Variants in LAMC3 observed in about 807,000 individuals in gnomAD.
LAMC3 encodes laminin subunit gamma 3.
In LAMC3, 128 loss-of-function variants were observed where a neutral mutation model predicts 173.8. The observed-to-expected ratio is 0.74, with a 90% CI of 0.64 to 0.85. LAMC3 has a LOEUF of 0.85. LAMC3 is among the 40% of genes least tolerant of loss of function. The probability of loss-of-function intolerance (pLI) is 0.00; values close to 1 mark genes in which losing one functional copy is unlikely to be tolerated. For synonymous variants in LAMC3, 897 were observed against 909.1 expected, an observed-to-expected ratio of 0.99 and a Z score of 0.24; for missense variants, 2,022 against 2,156.0, an observed-to-expected ratio of 0.94 and a Z score of 1.23.
At position 131,067,523 on chromosome 9, in the gene LAMC3, A is replaced by G. The variant is rs1014300331; in HGVS notation, c.2593+318A>G. On this transcript the variant is annotated intron_variant, in intron 14 of 27. Coordinates refer to ENST00000361069, the MANE Select transcript of LAMC3 (RefSeq NM_006059.4). ...GGTGATCGCCCTGCGCCGGGTCTCCATGGCCATGCCTCCCCTCATCACCTC... is the reference window on the plus strand; with the variant it reads ...GGTGATCGCCCTGCGCCGGGTCTCCGTGGCCATGCCTCCCCTCATCACCTC... 9.2e-5 allele frequency among the ~76,000 whole-genome samples: 14 copies of G among 152,272 alleles called. No individual in the cohort carries two copies. In the East Asian group the frequency reaches 1.7e-3, roughly 19 times the overall value.
chr9:131,076,695 T>C (rs2133334617), intron 21 of LAMC3, among the ~76,000 whole-genome samples: 2 of 152,216 alleles, frequency 1.3e-5, no homozygotes, highest in Middle Eastern at 6.8e-3. Context: ...TCCTAGCTGA[T>C]TGGTTATAGA....
intron 22 of LAMC3, among the ~76,000 whole-genome samples, chr9:131,078,073 A>G (rs949883962): frequency 2.0e-4 from 30 of 152,162 alleles, no homozygotes; most frequent in East Asian, 9.6e-4. Context: ...TTCGGGAGCA[A>G]TGCACGAGGT....
chr9:131,069,308 A>G (rs573557856), intron 16 of LAMC3, among the ~76,000 whole-genome samples: 1 of 152,228 alleles, frequency 6.6e-6, no homozygotes, highest in East Asian at 1.9e-4. Context: ...GCAGCCTGCC[A>G]GTGTCCTCAT....
Position 131,072,712 on chromosome 9 carries a change from C to A in LAMC3, c.3294C>A (p.Asn1098Lys), listed in dbSNP as rs750320083. 2 of 1,612,298 alleles carry A rather than the reference C, an allele frequency of 1.2e-6. No individual in the cohort carries two copies. Among genetic ancestry groups the A allele is most frequent in the Admixed American group, 3.3e-5 (2 of 59,886 alleles). Residue 1098 changes from asparagine (N) to lysine (K), a missense_variant, in exon 19 of 28, where the codon AAC becomes AAA. Asn to Lys is a moderately conservative substitution (Grantham distance 94). Coordinates refer to ENST00000361069, the MANE Select transcript of LAMC3 (RefSeq NM_006059.4). ...CCCGGGAGCAGCTGCAGAGGCTGAA[C>A]AAGGGTGCCCGCTGTGCCCAGGCCG... ...KAAREQLQRL[N>K]KGARCAQAGS...
intron 24 of LAMC3, among the ~76,000 whole-genome samples, chr9:131,083,862 GTGC>G (rs1830282963): frequency 5.6e-5 from 7 of 124,282 alleles, no homozygotes; most frequent in Admixed American, 8.5e-5. Context: ...ACTGTAATAA[GTGC>G]TTTTTTTTTT....
chr9:131,076,643 G>T (rs1415220700), intron 21 of LAMC3, among the ~76,000 whole-genome samples: 1 of 152,148 alleles, frequency 6.6e-6, no homozygotes, highest in Non-Finnish European at 1.5e-5. Flanking sequence ...AGGAAGAATG[G>T]GTGGGACAGG....
At chr9:131,020,953 G>T (rs980253250) in intron 1 of LAMC3, among the ~76,000 whole-genome samples, 5 of 152,050 alleles carry the variant, frequency 3.3e-5, no homozygotes, top group Non-Finnish European at 7.4e-5. Flanking sequence ...TAGGTTTTTT[G>T]ATGTTTTTTT....
At chr9:131,022,152 A>G (rs1326003823) in intron 1 of LAMC3, among the ~76,000 whole-genome samples, 1 of 152,058 alleles carries the variant, frequency 6.6e-6, no homozygotes, top group Non-Finnish European at 1.5e-5. Flanking sequence ...CAACACACCC[A>G]AAATTCTAAT....
intron 8 of LAMC3, among the ~76,000 whole-genome samples, 164 bp downstream of exon 8, chr9:131,045,824 G>A (rs1834144562): frequency 6.6e-6 from 1 of 152,158 alleles, no homozygotes; most frequent in African/African-American, 2.4e-5. Context: ...GCTCCCCAGT[G>A]CCCACCTGCG....
intron 13 of LAMC3, among the ~76,000 whole-genome samples, chr9:131,062,441 G>A (rs1333810635): frequency 3.9e-5 from 6 of 152,118 alleles, no homozygotes; most frequent in Non-Finnish European, 7.4e-5. Flanking sequence ...TATATATAAC[G>A]TAAAATTTGC....
intron 19 of LAMC3, 152 bp downstream of exon 19, chr9:131,072,987 C>A: frequency 1.3e-6 from 1 of 797,454 alleles, no homozygotes; most frequent in Non-Finnish European, 2.2e-6. Flanking sequence ...GTGCCTCCTC[C>A]TGGATTCAGC....
rs373499365 is a variant in LAMC3 at position 131,041,617 on chromosome 9, T to C, written c.1284-20T>C. On this transcript the variant is annotated intron_variant, in intron 6 of 27. Transcript: ENST00000361069. ...AATTTGCTCATTGCACATTTTCCTC[T>C]TGTCCTGTCTCATTGGCAGACCCTG... 8.1e-6 allele frequency: 13 copies of C among 1,611,038 alleles called. No homozygotes were observed. In the African/African-American group the frequency reaches 1.7e-4, roughly 22 times the overall value.
intron 13 of LAMC3, among the ~76,000 whole-genome samples, chr9:131,062,061 T>A (rs1285405958): frequency 6.7e-6 from 1 of 149,188 alleles, no homozygotes; most frequent in Non-Finnish European, 1.5e-5. Flanking sequence ...CAAAAAAAAT[T>A]TTTTTTTAAA....
chr9:131,071,665 G>A, intron 18 of LAMC3, 40 bp downstream of exon 18: 1 of 1,512,876 alleles, frequency 6.6e-7, no homozygotes, highest in South Asian at 1.3e-5. Flanking sequence ...GGAGGCAAGG[G>A]GAGGCCCCCA....
At chr9:131,059,322 C>T (rs1295094686) in intron 12 of LAMC3, among the ~76,000 whole-genome samples, 1 of 151,450 alleles carries the variant, frequency 6.6e-6, no homozygotes, top group Non-Finnish European at 1.5e-5. Flanking sequence ...GAAACCCCAT[C>T]TCTACTAAAA....
Position 131,081,845 on chromosome 9 carries a change from G to A in LAMC3, c.3928-214G>A, listed in dbSNP as rs146758882. 1.8e-3 allele frequency among the ~76,000 whole-genome samples: 273 copies of A among 152,296 alleles called. 1 individual carries two copies. The highest frequency in any genetic ancestry group is 6.1e-3 in the African/African-American group (253 of 41,566). ...AATTCTAGTGTTTTAGTTTTCCTCC[G>A]GGCTTTTGTGGACAGGTATCTCTTG... On this transcript the variant is annotated intron_variant, in intron 23 of 27. Coordinates refer to ENST00000361069, the MANE Select transcript of LAMC3 (RefSeq NM_006059.4).
In LAMC3 at chr9:131,049,036, G is replaced by A; in HGVS notation, c.1536G>A (p.Trp512Ter). ...GCTGTCTAGGAGCCGAAGGCTGGTG[G>A]GCCAGAAGTGTGGGGGGCTCTGAGC... The part of the protein sequence containing the change: ...SDFHQGAEGW[W>*]ARSVGGSEHP... Residue 512 changes from tryptophan (W) to a stop codon, truncating the protein, a stop_gained, in exon 9 of 28, where the codon TGG becomes TGA. Transcript: ENST00000361069. LOFTEE classifies it high-confidence loss of function. 1 of 1,550,506 alleles carries A rather than the reference G, an allele frequency of 6.4e-7. No individual in the cohort carries two copies. Among genetic ancestry groups the A allele is most frequent in the Non-Finnish European group, 8.7e-7 (1 of 1,146,222 alleles).
At chr9:131,056,792 A>T in intron 11 of LAMC3, 137 bp from the exon 12 acceptor site, 1 of 759,006 alleles carries the variant, frequency 1.3e-6, no homozygotes, top group Non-Finnish European at 2.4e-6. Context: ...TCTGTCTCAA[A>T]AAAAGAAAAA....
intron 18 of LAMC3, among the ~76,000 whole-genome samples, chr9:131,071,950 G>C (rs1347858710): frequency 6.6e-6 from 1 of 152,152 alleles, no homozygotes; most frequent in African/African-American, 2.4e-5. Flanking sequence ...TCTGCCATAG[G>C]CCAGCACGGT....
Sources: gnomAD v4.1 joint callset for allele counts (sites outside exome capture counted in the v4.1 genomes callset) on GRCh38, gnomAD v4.1.1 for gene constraint, MANE v1.5 for transcripts, NCBI Gene and HGNC (gene_info 2026-07-23, HGNC 2026-07-21) for gene names.